The following PIEZO2 variants were observed in gnomAD, a reference collection of about 807,000 sequenced individuals.
PIEZO2 encodes the protein piezo-type mechanosensitive ion channel component 2.
In PIEZO2, 172 loss-of-function variants were observed where a neutral mutation model predicts 337.3. The ratio of observed to expected loss-of-function variants is 0.51; its 90% CI spans 0.45 to 0.58. PIEZO2 has a LOEUF of 0.58. Among genes scored for constraint, PIEZO2 ranks in the 20% least tolerant of loss-of-function variants. The probability of loss-of-function intolerance (pLI) is 0.00; values close to 1 mark genes in which losing one functional copy is unlikely to be tolerated. For synonymous variants in PIEZO2, 1,251 were observed against 1,228.5 expected, an observed-to-expected ratio of 1.02 and a Z score of -0.38; for missense variants, 3,028 against 3,391.3, an observed-to-expected ratio of 0.89 and a Z score of 2.66.
intron 3 of PIEZO2, among the ~76,000 whole-genome samples, chr18:10,938,808 C>T (rs150834902): frequency 6.5e-4 from 99 of 152,210 alleles, no homozygotes; most frequent in African/African-American, 2.1e-3. Flanking sequence ...TACATTAGGC[C>T]GGGCACAGTG....
chr18:10,688,883 ACAAG>A (rs1272131724), intron 49 of PIEZO2, among the ~76,000 whole-genome samples: 1 of 152,108 alleles, frequency 6.6e-6, no homozygotes, highest in Non-Finnish European at 1.5e-5. Flanking sequence ...AGAAATCAGG[ACAAG>A]CAAATATGAT....
intron 52 of PIEZO2, among the ~76,000 whole-genome samples, chr18:10,679,257 C>T (rs1043171702): frequency 7.9e-5 from 12 of 152,114 alleles, no homozygotes; most frequent in Admixed American, 1.3e-4. Flanking sequence ...TCATTTAGAC[C>T]AAACTTCAGC....
chr18:10,787,128 A>G lies in PIEZO2; in HGVS notation c.2226T>C (p.Ile742=), dbSNP rs76488076. The change falls in exon 16 of 56, where the codon ATT becomes ATC. Residue 742 remains isoleucine, a synonymous_variant. Coordinates refer to ENST00000674853, the MANE Select transcript of PIEZO2 (RefSeq NM_001378183.1). The part of the protein sequence containing the change: ...ILKYFWMSVV[I]YTMLVLIFIY... ...TAAAGATAAGCACCAGCATAGTGTA[A>G]ATAACCACTGACATCCAAAAATATT... The G allele has an allele frequency of 0.064, 98,736 of 1,535,012 alleles. 3,479 individuals carry two copies. The highest frequency in any genetic ancestry group is 0.071 in the Non-Finnish European group (80,786 of 1,145,630).
At chr18:10,763,122 G>C (rs1284003737) in intron 21 of PIEZO2, 24 bp from the exon 22 acceptor site, 2 of 1,532,850 alleles carry the variant, frequency 1.3e-6, no homozygotes, top group Non-Finnish European at 1.7e-6. Flanking sequence ...ACCAGAAATG[G>C]GGACAAAAAT....
Position 10,837,999 on chromosome 18 carries a change from G to A in PIEZO2, c.917+17354C>T, listed in dbSNP as rs375445091. On this transcript the variant is annotated intron_variant, in intron 7 of 55. Transcript: ENST00000674853. This position sits in a 1 kb window ranked among gnomAD's most constrained non-coding sequence, Gnocchi z 4.4. ...ACTCCTGATCGCAGGTGATCTGTCC[G>A]CCTCGGCCTCCCAAAGTTCTGTGTT... Among the ~76,000 whole-genome samples, 3 of 151,998 alleles carry A rather than the reference G, an allele frequency of 2.0e-5. No individual in the cohort carries two copies. Among genetic ancestry groups the A allele is most frequent in the African/African-American group, 4.8e-5 (2 of 41,362 alleles).
chr18:10,954,579 A>G lies in PIEZO2; in HGVS notation c.286+24956T>C, dbSNP rs1300489314. The stretch of plus-strand genomic sequence containing the variant: ...ATTTATGTGGGTAAGGGAATCCTTC[A>G]TAGATGGACAATAATGATGAGAAGA... On this transcript the variant is annotated intron_variant, in intron 3 of 55. Transcript: ENST00000674853. This position sits in a 1 kb window ranked among gnomAD's most constrained non-coding sequence, Gnocchi z 4.2. Among the ~76,000 whole-genome samples the G allele has an allele frequency of 6.6e-6, 1 of 152,188 alleles. No individual in the cohort carries two copies. Among genetic ancestry groups the G allele is most frequent in the East Asian group, 1.9e-4 (1 of 5,192 alleles).
In PIEZO2 at chr18:11,070,369, C is replaced by A. The variant is rs1448149041; in HGVS notation, c.65-4147G>T. Among the ~76,000 whole-genome samples the A allele has an allele frequency of 6.6e-6, 1 of 152,086 alleles. No individual in the cohort carries two copies. The highest frequency in any genetic ancestry group is 2.1e-4 in the South Asian group (1 of 4,816). ...ACTATCAAGGGGCATGGAGATCAAG[C>A]CCTGAACAGAGATGTTTGTTGAAAT... On this transcript the variant is annotated intron_variant, in intron 1 of 55. Coordinates refer to ENST00000674853, the MANE Select transcript of PIEZO2 (RefSeq NM_001378183.1). The surrounding 1 kb of genome is among the most constrained non-coding windows in gnomAD (Gnocchi z 4.3).
In PIEZO2 at chr18:10,701,984, A is replaced by G. The variant is rs1159609070; in HGVS notation, c.6441+5T>C. On this transcript the variant is annotated splice_donor_5th_base_variant and intron_variant, in intron 43 of 55. Coordinates refer to ENST00000674853, the MANE Select transcript of PIEZO2 (RefSeq NM_001378183.1). ...TTGAACTGATTAATTGTTAACATGC[A>G]GTACCTTCAAAATTGATCGATGAAA... 3 of 1,521,866 alleles carry G rather than the reference A, an allele frequency of 2.0e-6. No individual in the cohort carries two copies. The highest frequency in any genetic ancestry group is 2.6e-6 in the Non-Finnish European group (3 of 1,142,204). The allele number at this position is 1,521,866 out of a possible 1,614,324, so 94.3% of individuals were successfully genotyped here.
At chr18:10,809,186 T>C (rs1297261603) in intron 7 of PIEZO2, among the ~76,000 whole-genome samples, 1 of 151,876 alleles carries the variant, frequency 6.6e-6, no homozygotes, top group Admixed American at 6.6e-5. Context: ...TAGCAGATTG[T>C]TGTCTCCTAC....
At chr18:10,671,864 C>G (rs1432688343) in intron 55 of PIEZO2, 85 bp from the exon 56 acceptor site, 12 of 1,232,818 alleles carry the variant, frequency 9.7e-6, no homozygotes, top group Non-Finnish European at 1.3e-5. Flanking sequence ...AAAAATATTA[C>G]TTTCCCTCAA....
chr18:10,819,248 T>C lies in PIEZO2; in HGVS notation c.918-11974A>G, dbSNP rs2040451553. 6.6e-6 allele frequency among the ~76,000 whole-genome samples: 1 copy of C among 152,252 alleles called. No homozygotes were observed. Among genetic ancestry groups the C allele is most frequent in the African/African-American group, 2.4e-5 (1 of 41,482 alleles). ...GATAAAACTGGAGGCATTTGTATGA[T>C]ATACAGTTAAATATTTATAAATGGT... On this transcript the variant is annotated intron_variant, in intron 7 of 55. Transcript: ENST00000674853. The surrounding 1 kb of genome is among the most constrained non-coding windows in gnomAD (Gnocchi z 4.3).
rs8086124 is a variant in PIEZO2, at chr18:10,702,905, G to A, written c.6259-734C>T. Among the ~76,000 whole-genome samples, 832 of 152,164 alleles carry A rather than the reference G, an allele frequency of 5.5e-3. 2 individuals are homozygous for A. The highest frequency in any genetic ancestry group is 0.01 in the Middle Eastern group (3 of 292). On this transcript the variant is annotated intron_variant, in intron 42 of 55. Coordinates refer to ENST00000674853, the MANE Select transcript of PIEZO2 (RefSeq NM_001378183.1). ...AGGTCTCAACCTCTTGCTCACGGTG[G>A]AGTGCAGTGGCACAATCACAGCTCA...
At chr18:11,020,947 A>G (rs1009327907) in intron 2 of PIEZO2, among the ~76,000 whole-genome samples, 2 of 152,232 alleles carry the variant, frequency 1.3e-5, no homozygotes, top group African/African-American at 4.8e-5. Context: ...TAAATCAAAG[A>G]AATATAGAAA....
intron 3 of PIEZO2, among the ~76,000 whole-genome samples, chr18:10,967,395 G>T (rs528952055): frequency 1.3e-5 from 2 of 152,168 alleles, no homozygotes; most frequent in African/African-American, 4.8e-5. Context: ...GTTACAAATT[G>T]TGCTCCTATA....
rs1486833966 is a variant in PIEZO2, at chr18:10,862,866, T to A, written c.493-5655A>T. On this transcript the variant is annotated intron_variant, in intron 5 of 55. Transcript: ENST00000674853. This position sits in a 1 kb window ranked among gnomAD's most constrained non-coding sequence, Gnocchi z 4.4. ...GAATAGGCACAATTTGAAAATATAT[T>A]TTTTTAATCATATCCTAGCAGACTC... Among the ~76,000 whole-genome samples the A allele has an allele frequency of 6.8e-6, 1 of 146,070 alleles. No homozygotes were observed.
At position 11,027,301 on chromosome 18, in the gene PIEZO2, G is replaced by A. The variant is rs75474625; in HGVS notation, c.160+38826C>T. On this transcript the variant is annotated intron_variant, in intron 2 of 55. Coordinates refer to ENST00000674853, the MANE Select transcript of PIEZO2 (RefSeq NM_001378183.1). This position sits in a 1 kb window ranked among gnomAD's most constrained non-coding sequence, Gnocchi z 4.2. The stretch of plus-strand genomic sequence containing the variant: ...TCTGAGCTCCAGTCAAGGTATAACC[G>A]GGCTCTGCTGGACCTGTGTGTGAAT... 0.058 allele frequency among the ~76,000 whole-genome samples: 8,799 copies of A among 152,136 alleles called. 845 individuals are homozygous for A. Among genetic ancestry groups the A allele is most frequent in the African/African-American group, 0.2 (8,135 of 41,500 alleles).
At position 10,730,410 on chromosome 18, in the gene PIEZO2, C is replaced by T. The variant is rs561162721; in HGVS notation, c.5029+997G>A. Among the ~76,000 whole-genome samples the T allele has an allele frequency of 1.9e-3, 293 of 152,272 alleles. 1 individual carries two copies. Among genetic ancestry groups the T allele is most frequent in the African/African-American group, 4.1e-3 (172 of 41,546 alleles). On this transcript the variant is annotated intron_variant, in intron 36 of 55. Transcript: ENST00000674853. ...CTGGTCTGTGAATTGTTTTTTCACACGCTCTCATTGATTGAATTGAATTTT... is the reference window on the plus strand; with the variant it reads ...CTGGTCTGTGAATTGTTTTTTCACATGCTCTCATTGATTGAATTGAATTTT...
rs1032935923 is a variant in PIEZO2, at chr18:10,894,959, C to T, written c.329+16227G>A. Reference sequence around the variant, plus strand: ...CCACTAACATTTTGATGTTAGATGTCTGCAGATCCCACAATCCCTCCCTCT... The same window carrying T: ...CCACTAACATTTTGATGTTAGATGTTTGCAGATCCCACAATCCCTCCCTCT... On this transcript the variant is annotated intron_variant, in intron 4 of 55. Transcript: ENST00000674853. This position sits in a 1 kb window ranked among gnomAD's most constrained non-coding sequence, Gnocchi z 4.1. 2.6e-5 allele frequency among the ~76,000 whole-genome samples: 4 copies of T among 152,244 alleles called. No individual in the cohort carries two copies. Among genetic ancestry groups the T allele is most frequent in the African/African-American group, 9.6e-5 (4 of 41,468 alleles).
chr18:10,995,105 T>C (rs1448234497), intron 2 of PIEZO2, among the ~76,000 whole-genome samples: 1 of 106,114 alleles, frequency 9.4e-6, no homozygotes, highest in African/African-American at 4.1e-5. Flanking sequence ...AAGAAAAGCG[T>C]TCCCTGCTCA....
Sources: allele counts gnomAD v4.1 joint callset (sites outside exome capture counted in the v4.1 genomes callset), GRCh38; gene constraint gnomAD v4.1.1; non-coding constraint Gnocchi (gnomAD v3.1); transcripts MANE v1.5; gene names NCBI Gene and HGNC (gene_info 2026-07-23, HGNC 2026-07-21).